ASXL3: variants seen among roughly 807,000 people sequenced by gnomAD.
The protein encoded by ASXL3 is ASXL transcriptional regulator 3.
A neutral mutation model predicts 170.6 loss-of-function variants in ASXL3; 34 were observed. The ratio of observed to expected loss-of-function variants is 0.20; its 90% confidence interval spans 0.15 to 0.27. The LOEUF is 0.27. ASXL3 is among the 10% of genes least tolerant of loss of function. The pLI, the probability that ASXL3 is intolerant of heterozygous loss-of-function variation, is 1.00. For missense variants in ASXL3, 2,592 were observed against 2,695.3 expected (o/e 0.96, Z 0.85); for synonymous variants, 1,002 against 989.1 (o/e 1.01, Z -0.24).
At chr18:33,636,105 T>G (rs2065759136) in intron 2 of ASXL3, among the ~76,000 whole-genome samples, 1 of 152,176 alleles carries the variant, frequency 6.6e-6, no homozygotes, top group African/African-American at 2.4e-5. Context: ...CGTAAAAGGC[T>G]TCCCCATACG....
chr18:33,686,173 C>G (rs1312497807), intron 8 of ASXL3, among the ~76,000 whole-genome samples: 2 of 152,112 alleles, frequency 1.3e-5, no homozygotes, highest in Admixed American at 6.5e-5. Flanking sequence ...AACACTTAGT[C>G]CATTGAGAAA....
At chr18:33,607,462 G>C (rs1183940517) in intron 1 of ASXL3, 132 bp from the exon 2 acceptor site, 9 of 752,752 alleles carry the variant, frequency 1.2e-5, no homozygotes, top group Non-Finnish European at 1.8e-5. Flanking sequence ...CACCTGATCT[G>C]TATGATGGAC....
chr18:33,713,893 A>T (rs922497966), intron 8 of ASXL3, among the ~76,000 whole-genome samples: 2 of 152,238 alleles, frequency 1.3e-5, no homozygotes, highest in African/African-American at 2.4e-5. Context: ...GTACATTCCT[A>T]GAAAGAAAAT....
At chr18:33,737,658 G>A (rs531799074) in intron 10 of ASXL3, among the ~76,000 whole-genome samples, 8 of 152,260 alleles carry the variant, frequency 5.3e-5, no homozygotes, top group African/African-American at 1.9e-4. Flanking sequence ...TCACACAAAT[G>A]TAAGCTGGTA....
At position 33,661,685 on chromosome 18, in the gene ASXL3, A is replaced by G; in HGVS notation, c.425A>G (p.Gln142Arg). 1 of 1,612,970 alleles carries G rather than the reference A, an allele frequency of 6.2e-7. No individual in the cohort carries two copies. Residue 142 changes from glutamine to arginine, a missense_variant, in exon 5 of 12, where the codon CAA becomes CGA. Coordinates refer to ENST00000269197, the MANE Select transcript of ASXL3 (RefSeq NM_030632.3). Reference sequence around the variant, plus strand: ...TCAAGCCTTACTAACACAGCAGTGCAAAGCAAGTTAGTGTCTTCCTTCCAG... The same window carrying G: ...TCAAGCCTTACTAACACAGCAGTGCGAAGCAAGTTAGTGTCTTCCTTCCAG... ...RDSSLTNTAV[Q>R]SKLVSSFQQH...
chr18:33,614,365 T>G (rs990347382), intron 2 of ASXL3: 2 of 152,200 alleles, frequency 1.3e-5, no homozygotes, highest in African/African-American at 4.8e-5. Context: ...AGTTTTATCA[T>G]GAGATTGAAA....
chr18:33,683,829 G>T (rs1254013496), intron 8 of ASXL3, among the ~76,000 whole-genome samples: 3 of 152,086 alleles, frequency 2.0e-5, no homozygotes, highest in African/African-American at 7.2e-5. Flanking sequence ...GGAAAACAAA[G>T]AAATCAAACA....
At position 33,609,579 on chromosome 18, in the gene ASXL3, A is replaced by T. The variant is rs187345142; in HGVS notation, c.137+1903A>T. ...CTTTCAGCATGCATAGTTAACAAAT[A>T]CAAACAAATTTTAAAAACCAACTTC... On this transcript the variant is annotated intron_variant, in intron 2 of 11. Coordinates refer to ENST00000269197, the MANE Select transcript of ASXL3 (RefSeq NM_030632.3). 7.9e-5 allele frequency among the ~76,000 whole-genome samples: 12 copies of T among 152,168 alleles called. 1 individual carries two copies. Among genetic ancestry groups the T allele is most frequent in the Non-Finnish European group, 1.6e-4 (11 of 67,944 alleles).
chr18:33,609,302 T>A (rs1045746354), intron 2 of ASXL3, among the ~76,000 whole-genome samples: 2 of 152,038 alleles, frequency 1.3e-5, no homozygotes, highest in Non-Finnish European at 2.9e-5. Flanking sequence ...TACTGTCTTA[T>A]GTGGGCTTTG....
At chr18:33,641,089 A>G (rs1045180513) in intron 2 of ASXL3, among the ~76,000 whole-genome samples, 2 of 152,112 alleles carry the variant, frequency 1.3e-5, no homozygotes, top group African/African-American at 4.8e-5. Flanking sequence ...ATAGTCTTCC[A>G]ATTGCATTCC....
intron 10 of ASXL3, among the ~76,000 whole-genome samples, chr18:33,738,150 A>T (rs986064669): frequency 1.2e-4 from 18 of 151,778 alleles, no homozygotes; most frequent in African/African-American, 3.6e-4. Context: ...ACTGGTTTAC[A>T]TAAATTAAGC....
intron 7 of ASXL3, among the ~76,000 whole-genome samples, chr18:33,675,062 A>G (rs898903038): frequency 2.0e-5 from 3 of 152,170 alleles, no homozygotes; most frequent in Non-Finnish European, 2.9e-5. Context: ...TTCTGTCTAC[A>G]TCTGTAGTCC....
chr18:33,659,456 C>G (rs1328883272), intron 4 of ASXL3, among the ~76,000 whole-genome samples: 1 of 151,982 alleles, frequency 6.6e-6, no homozygotes, highest in African/African-American at 2.4e-5. Context: ...AACATATATG[C>G]TAATGCACAC....
intron 2 of ASXL3, among the ~76,000 whole-genome samples, chr18:33,621,400 G>A (rs2065510085): frequency 6.6e-6 from 1 of 152,146 alleles, no homozygotes; most frequent in South Asian, 2.1e-4. Context: ...TAGTTCTTAG[G>A]TACTATTCAG....
chr18:33,637,275 G>A (rs1048205222), intron 2 of ASXL3, among the ~76,000 whole-genome samples: 8 of 152,070 alleles, frequency 5.3e-5, no homozygotes, highest in East Asian at 3.9e-4. Context: ...CATGATAGGC[G>A]TTGTTGCTAA....
rs59859337 is a variant in ASXL3 at position 33,633,843 on chromosome 18, C to CA, written c.138-11029dup. ...CTGGCGGCACAGCAAGACTCCATCT[C>CA]AAAAAAAAAAAAAAAAAAAAAATTC... On this transcript the variant is annotated intron_variant, in intron 2 of 11. Transcript: ENST00000269197. Among the ~76,000 whole-genome samples, 444 of 86,590 alleles carry CA rather than the reference C, an allele frequency of 5.1e-3. 3 individuals carry two copies. Among genetic ancestry groups the CA allele is most frequent in the African/African-American group, 6.1e-3 (151 of 24,610 alleles). 56.8% of individuals were successfully genotyped at this position (86,590 alleles called of 152,430 possible).
intron 2 of ASXL3, 47 bp from the exon 3 acceptor site, chr18:33,644,847 A>G (rs747523847): frequency 9.9e-5 from 122 of 1,237,940 alleles, no homozygotes; most frequent in Non-Finnish European, 1.3e-4. Context: ...TTTGCAATAG[A>G]AGCTGTACCT....
Position 33,740,217 on chromosome 18 carries a change from A to G in ASXL3, c.2813A>G (p.His938Arg), listed in dbSNP as rs752092863. The G allele has an allele frequency of 1.2e-6, 2 of 1,613,900 alleles. No individual in the cohort carries two copies. The highest frequency in any genetic ancestry group is 2.2e-5 in the East Asian group (1 of 44,886). The change falls in exon 11 of 12, where the codon CAT becomes CGT. Residue 938 changes from histidine (H) to arginine (R), a missense_variant. Physicochemically the swap from His to Arg is conservative, Grantham distance 29. Coordinates refer to ENST00000269197, the MANE Select transcript of ASXL3 (RefSeq NM_030632.3). ...GSTQSRLETSHTSKSSEPSKS... is the reference protein window; with the variant it reads ...GSTQSRLETSRTSKSSEPSKS... ...ACACAGAGTCGGTTAGAAACCTCAC[A>G]TACTTCCAAGTCATCAGAGCCCTCC... is the stretch of plus-strand genomic sequence containing the variant.
At chr18:33,681,818 A>G (rs2066520708) in intron 7 of ASXL3, among the ~76,000 whole-genome samples, 1 of 151,778 alleles carries the variant, frequency 6.6e-6, no homozygotes, top group Non-Finnish European at 1.5e-5. Flanking sequence ...GACTTATTAC[A>G]TTCTTTGTAT....
Sources: gnomAD v4.1 joint callset for allele counts (sites outside exome capture counted in the v4.1 genomes callset) on GRCh38, gnomAD v4.1.1 for gene constraint, MANE v1.5 for transcripts, NCBI Gene and HGNC (gene_info 2026-07-23, HGNC 2026-07-21) for gene names.